The following ROR1 variants were observed in gnomAD, a reference collection of about 807,000 sequenced individuals.
ROR1 encodes the protein inactive tyrosine-protein kinase transmembrane receptor ROR1.
ROR1 carries 19 observed loss-of-function variants against 78.8 expected under a neutral mutation model. That is an observed-to-expected ratio of 0.24 (90% CI 0.17 to 0.35). ROR1 has a LOEUF of 0.35. Ranked by LOEUF, ROR1 falls within the 10% of genes least tolerant of loss-of-function variation. The probability of loss-of-function intolerance (pLI) is 1.00; values close to 1 mark genes in which losing one functional copy is unlikely to be tolerated. For synonymous variants in ROR1, 386 were observed against 433.6 expected (o/e 0.89, Z 1.36); for missense variants, 917 against 1,177.8 (o/e 0.78, Z 3.24).
chr1:64,097,473 G>A (rs1257876294), intron 4 of ROR1, among the ~76,000 whole-genome samples: 1 of 152,036 alleles, frequency 6.6e-6, no homozygotes, highest in Non-Finnish European at 1.5e-5. Flanking sequence ...ATGCTCTGGG[G>A]ATTAGGACAT....
chr1:64,140,912 T>C (rs1284144798), intron 6 of ROR1, among the ~76,000 whole-genome samples: 2 of 152,182 alleles, frequency 1.3e-5, no homozygotes, highest in Non-Finnish European at 2.9e-5. Flanking sequence ...TGGATGAACC[T>C]GGAAAACATT....
At chr1:64,147,679 G>C (rs1463526612) in intron 7 of ROR1, among the ~76,000 whole-genome samples, 1 of 152,026 alleles carries the variant, frequency 6.6e-6, no homozygotes, top group Non-Finnish European at 1.5e-5. Flanking sequence ...ACAAAACCAT[G>C]AAAGATCAAG....
intron 1 of ROR1, among the ~76,000 whole-genome samples, chr1:63,818,160 T>G (rs1644903487): frequency 6.6e-6 from 1 of 152,176 alleles, no homozygotes; most frequent in African/African-American, 2.4e-5. Flanking sequence ...TTCTGTTCCT[T>G]GGAAAGATTC....
chr1:64,156,073 C>T (rs1649761438), intron 7 of ROR1, among the ~76,000 whole-genome samples: 1 of 152,132 alleles, frequency 6.6e-6, no homozygotes, highest in Admixed American at 6.5e-5. Flanking sequence ...TTAAGATTAT[C>T]TAGCCCAAAA....
At chr1:64,099,513 A>G (rs1255779393) in intron 4 of ROR1, among the ~76,000 whole-genome samples, 7 of 152,206 alleles carry the variant, frequency 4.6e-5, no homozygotes, top group Non-Finnish European at 7.4e-5. Flanking sequence ...ATTCTGCTCC[A>G]GAGCATTTGT....
chr1:63,988,317 A>T (rs1646267791), intron 1 of ROR1, among the ~76,000 whole-genome samples: 1 of 152,174 alleles, frequency 6.6e-6, no homozygotes, highest in South Asian at 2.1e-4. Flanking sequence ...ATCTTGTCAT[A>T]CAATTTTAAA....
At chr1:63,905,663 AG>A (rs1165939902) in intron 1 of ROR1, among the ~76,000 whole-genome samples, 1 of 152,234 alleles carries the variant, frequency 6.6e-6, no homozygotes, top group Admixed American at 6.5e-5. Flanking sequence ...GTCATGGCAA[AG>A]CATACATGGT....
intron 4 of ROR1, among the ~76,000 whole-genome samples, chr1:64,117,804 CA>C (rs1648364279): frequency 6.6e-6 from 1 of 152,208 alleles, no homozygotes; most frequent in South Asian, 2.1e-4. Flanking sequence ...TTCTCCTGTA[CA>C]AATATTAGGC....
intron 7 of ROR1, among the ~76,000 whole-genome samples, chr1:64,158,141 C>T (rs532102403): frequency 1.3e-5 from 2 of 152,264 alleles, no homozygotes; most frequent in South Asian, 2.1e-4. Context: ...AAGTATGTCT[C>T]GTGTTCTACA....
chr1:63,811,065 G>A (rs1005763740), intron 1 of ROR1, among the ~76,000 whole-genome samples: 1 of 151,934 alleles, frequency 6.6e-6, no homozygotes, highest in Admixed American at 6.6e-5. Context: ...AGAGGATACA[G>A]ACCCAACCGA....
chr1:64,172,934 C>G (rs1392275719), intron 8 of ROR1, among the ~76,000 whole-genome samples: 1 of 152,150 alleles, frequency 6.6e-6, no homozygotes, highest in Non-Finnish European at 1.5e-5. Context: ...CCATCTGTTC[C>G]TCAACAATAC....
chr1:63,774,963 G>T lies in ROR1; in HGVS notation c.91+455G>T, dbSNP rs1247489655. Among the ~76,000 whole-genome samples the T allele has an allele frequency of 6.6e-6, 1 of 152,046 alleles. No individual in the cohort carries two copies. Among genetic ancestry groups the T allele is most frequent in the Non-Finnish European group, 1.5e-5 (1 of 67,990 alleles). ...GGAGTTTGGATTTTCAGTGGTGCTC[G>T]CCAGAGCCCAGGCGGCTCGCGGATC... is the stretch of plus-strand genomic sequence containing the variant. On this transcript the variant is annotated intron_variant, in intron 1 of 8. Coordinates refer to ENST00000371079, the MANE Select transcript of ROR1 (RefSeq NM_005012.4). The surrounding 1 kb of genome is among the most constrained non-coding windows in gnomAD (Gnocchi z 5.7).
chr1:64,014,998 T>C (rs1401476294), intron 2 of ROR1, among the ~76,000 whole-genome samples: 1 of 148,860 alleles, frequency 6.7e-6, no homozygotes, highest in Non-Finnish European at 1.5e-5. Flanking sequence ...GAAAAAGAGG[T>C]TTAATGGACT....
chr1:64,027,466 C>T (rs1646621660), intron 2 of ROR1, among the ~76,000 whole-genome samples: 1 of 152,174 alleles, frequency 6.6e-6, no homozygotes, highest in Non-Finnish European at 1.5e-5. Flanking sequence ...TTAACTAAAT[C>T]TCCTGTGAGT....
chr1:63,872,906 T>C (rs1359386675), intron 1 of ROR1, among the ~76,000 whole-genome samples: 2 of 152,124 alleles, frequency 1.3e-5, no homozygotes, highest in Non-Finnish European at 2.9e-5. Flanking sequence ...TATGTTGTGG[T>C]TTTTATAATC....
At chr1:64,058,284 T>C (rs1646890302) in intron 4 of ROR1, among the ~76,000 whole-genome samples, 2 of 152,152 alleles carry the variant, frequency 1.3e-5, no homozygotes, top group Non-Finnish European at 2.9e-5. Flanking sequence ...AAGAGATTGT[T>C]TTACTTTTTT....
At chr1:63,867,794 A>T (rs991009173) in intron 1 of ROR1, among the ~76,000 whole-genome samples, 8 of 152,374 alleles carry the variant, frequency 5.3e-5, no homozygotes, top group African/African-American at 1.9e-4. Context: ...GATAAGATCC[A>T]TAGGTTACTG....
chr1:63,776,190 A>T (rs370429707), intron 1 of ROR1, among the ~76,000 whole-genome samples: 1 of 152,166 alleles, frequency 6.6e-6, no homozygotes, highest in Non-Finnish European at 1.5e-5. Context: ...TTTCAACAAT[A>T]GTTGCTTTTA....
At chr1:63,780,052 T>G (rs1355583087) in intron 1 of ROR1, among the ~76,000 whole-genome samples, 1 of 152,208 alleles carries the variant, frequency 6.6e-6, no homozygotes, top group African/African-American at 2.4e-5. Context: ...TGTCTGTCCA[T>G]AAATAAGGTT....
Sources: allele counts gnomAD v4.1 joint callset (sites outside exome capture counted in the v4.1 genomes callset), GRCh38; gene constraint gnomAD v4.1.1; non-coding constraint Gnocchi (gnomAD v3.1); transcripts MANE v1.5; gene names NCBI Gene and HGNC (gene_info 2026-07-23, HGNC 2026-07-21).